The following FBXO34 variants were observed in gnomAD, a reference collection of about 807,000 sequenced individuals.
FBXO34 encodes the protein F-box only protein 34.
Under a neutral mutation model 24.5 loss-of-function variants are expected in FBXO34, and 12 were observed. The ratio of observed to expected loss-of-function variants is 0.49; its 90% confidence interval spans 0.31 to 0.79. The LOEUF is 0.79. Among genes scored for constraint, FBXO34 ranks in the 30% least tolerant of loss-of-function variants. FBXO34 has a pLI of 0.04. For synonymous variants in FBXO34, 320 were observed against 311.9 expected (o/e 1.03, Z -0.27); for missense variants, 823 against 857.7 (o/e 0.96, Z 0.51).
At chr14:55,402,926 AATATAT>A in the FBXO34 span, among the ~76,000 whole-genome samples, 364 of 16,382 alleles carry the variant, frequency 0.022, 6 homozygotes, top group African/African-American at 0.062. Flanking sequence ...AAAAAAAAAA[AATATAT>A]ATATATATAT....
At chr14:55,345,271 C>T (rs1594763770) in intron 1 of FBXO34, among the ~76,000 whole-genome samples, 1 of 152,286 alleles carries the variant, frequency 6.6e-6, no homozygotes, top group African/African-American at 2.4e-5. Flanking sequence ...CCCTCATCCT[C>T]CATTTTCAGT....
intron 1 of FBXO34, among the ~76,000 whole-genome samples, chr14:55,310,979 G>C (rs751636375): frequency 9.2e-5 from 14 of 151,448 alleles, no homozygotes; most frequent in Non-Finnish European, 1.5e-4. Flanking sequence ...CATATATAAA[G>C]ACAAAATAAG....
At chr14:55,278,339 ATTG>A (rs1361573088) in intron 1 of FBXO34, among the ~76,000 whole-genome samples, 1 of 152,142 alleles carries the variant, frequency 6.6e-6, no homozygotes, top group Admixed American at 6.5e-5. Context: ...AGGGATGGGT[ATTG>A]TTCCAGTTTT....
At chr14:55,432,546 T>C in the FBXO34 span, among the ~76,000 whole-genome samples, 1 of 151,836 alleles carries the variant, frequency 6.6e-6, no homozygotes, top group Admixed American at 6.6e-5. Context: ...AAGATAAATC[T>C]CTCCATAGAT....
chr14:55,390,953 A>G, the FBXO34 span: 1 of 1,606,606 alleles, frequency 6.2e-7, no homozygotes, highest in South Asian at 1.1e-5. Context: ...GTTTGTTTTA[A>G]CTGTTCAATC....
At chr14:55,323,912 A>G (rs1319600227) in intron 1 of FBXO34, among the ~76,000 whole-genome samples, 1 of 152,194 alleles carries the variant, frequency 6.6e-6, no homozygotes. Flanking sequence ...TTATTTAAAA[A>G]TTTAGATATT....
At chr14:55,292,730 T>C (rs1023900724) in intron 1 of FBXO34, among the ~76,000 whole-genome samples, 3 of 152,148 alleles carry the variant, frequency 2.0e-5, no homozygotes, top group African/African-American at 7.2e-5. Context: ...TACCACCTGA[T>C]GAAGTCTTAG....
At chr14:55,405,288 G>A in the FBXO34 span, among the ~76,000 whole-genome samples, 1 of 152,188 alleles carries the variant, frequency 6.6e-6, no homozygotes. Flanking sequence ...TTGGATGTTG[G>A]TTGTGCCTTC....
At chr14:55,298,564 A>G in intron 1 of FBXO34, 1 of 695,910 alleles carries the variant, frequency 1.4e-6, no homozygotes, top group Non-Finnish European at 2.4e-6. Flanking sequence ...TGAAAAAAGC[A>G]AATTTGGCAG....
chr14:55,382,743 A>C, the FBXO34 span, among the ~76,000 whole-genome samples: 1 of 152,206 alleles, frequency 6.6e-6, no homozygotes, highest in African/African-American at 2.4e-5. Flanking sequence ...AATGTGAGGA[A>C]GACGGAACCA....
chr14:55,357,863 A>G (rs1350302621), downstream of FBXO34, among the ~76,000 whole-genome samples: 1 of 152,264 alleles, frequency 6.6e-6, no homozygotes, highest in Non-Finnish European at 1.5e-5. Flanking sequence ...TAAATAAAAA[A>G]TAAAAAATCA....
the FBXO34 span, chr14:55,397,540 G>T: frequency 1.1e-6 from 1 of 885,982 alleles, no homozygotes; most frequent in Non-Finnish European, 1.8e-6. Context: ...ATGTGAAAAT[G>T]TCATTGTCCT....
chr14:55,299,004 C>G, intron 1 of FBXO34: 1 of 1,608,446 alleles, frequency 6.2e-7, no homozygotes, highest in Non-Finnish European at 8.5e-7. Context: ...TGAGTTAATG[C>G]AGGACATTGC....
chr14:55,348,125 C>T (rs962312309), intron 1 of FBXO34, among the ~76,000 whole-genome samples: 6 of 152,164 alleles, frequency 3.9e-5, no homozygotes, highest in African/African-American at 9.7e-5. Flanking sequence ...AAGATCTCTA[C>T]AGATGATTAG....
chr14:55,405,122 G>C, the FBXO34 span, among the ~76,000 whole-genome samples: 1 of 152,196 alleles, frequency 6.6e-6, no homozygotes, highest in African/African-American at 2.4e-5. Flanking sequence ...TGAAACAGTC[G>C]TAAGGCTGAT....
intron 1 of FBXO34, chr14:55,299,113 A>T: frequency 7.6e-7 from 1 of 1,323,774 alleles, no homozygotes; most frequent in Non-Finnish European, 1.1e-6. Flanking sequence ...GCGGAATTAG[A>T]AGAACTAGAA....
At chr14:55,272,438 T>C (rs965453420) in intron 1 of FBXO34, 2 of 152,010 alleles carry the variant, frequency 1.3e-5, no homozygotes, top group African/African-American at 2.4e-5. Context: ...AAAAGCCTTT[T>C]AGGAAGCTAA....
chr14:55,280,497 T>A (rs962753723), intron 1 of FBXO34, among the ~76,000 whole-genome samples: 2 of 151,246 alleles, frequency 1.3e-5, no homozygotes, highest in African/African-American at 4.9e-5. Context: ...GTAGGTTATA[T>A]GCAAATACTA....
At chr14:55,331,705 G>A (rs112449001) in intron 1 of FBXO34, among the ~76,000 whole-genome samples, 828 of 26,430 alleles carry the variant, frequency 0.031, 73 homozygotes, top group African/African-American at 0.075. Flanking sequence ...ATATATATAT[G>A]TATATATATA....
Sources: allele counts gnomAD v4.1 joint callset (sites outside exome capture counted in the v4.1 genomes callset), GRCh38; gene constraint gnomAD v4.1.1; transcripts MANE v1.5; gene names NCBI Gene and HGNC (gene_info 2026-07-23, HGNC 2026-07-21).